The following RGS12 variants were observed in gnomAD, a reference collection of about 807,000 sequenced individuals.
The protein encoded by RGS12 is regulator of G protein signaling 12.
A neutral mutation model predicts 120.1 loss-of-function variants in RGS12; 66 were observed. The ratio of observed to expected loss-of-function variants is 0.55; its 90% CI spans 0.45 to 0.67. The LOEUF (loss-of-function observed/expected upper bound fraction) is 0.67, where lower values mean the gene tolerates loss of function less well. Ranked by LOEUF, RGS12 falls within the 30% of genes least tolerant of loss-of-function variation. The probability of loss-of-function intolerance (pLI) is 0.00; values close to 1 mark genes in which losing one functional copy is unlikely to be tolerated. For synonymous variants in RGS12, 827 were observed against 804.7 expected, an observed-to-expected ratio of 1.03 and a Z score of -0.47; for missense variants, 1,859 against 1,957.7, an observed-to-expected ratio of 0.95 and a Z score of 0.95.
intron 4 of RGS12, among the ~76,000 whole-genome samples, chr4:3,406,212 C>T (rs557337344): frequency 1.6e-3 from 242 of 152,318 alleles, no homozygotes; most frequent in Admixed American, 2.7e-3. Context: ...CCGGCCAGGG[C>T]GGGCTCAGAG....
In RGS12 at chr4:3,425,444, A is replaced by C; in HGVS notation, c.3235-20A>C. The C allele has an allele frequency of 6.3e-7, 1 of 1,597,498 alleles. No individual in the cohort carries two copies. The highest frequency in any genetic ancestry group is 1.7e-5 in the Admixed American group (1 of 59,916). ...AAGTTCCAGTCTGGGTAAATTATTC[A>C]GTGCTGATCTCTGCCCTAGAGTGGA... On this transcript the variant is annotated intron_variant, in intron 13 of 17. Transcript: ENST00000336727.
At chr4:3,287,528 C>T in the RGS12 span, among the ~76,000 whole-genome samples, 1 of 152,232 alleles carries the variant, frequency 6.6e-6, no homozygotes, top group Non-Finnish European at 1.5e-5. Flanking sequence ...CTGAACCTGC[C>T]CCTGCCCGCT....
chr4:3,296,167 G>A (rs562519355), intron 1 of RGS12, among the ~76,000 whole-genome samples: 1 of 152,246 alleles, frequency 6.6e-6, no homozygotes, highest in South Asian at 2.1e-4. Context: ...TTGTCACATC[G>A]CTGTCTTTCT....
intron 4 of RGS12, among the ~76,000 whole-genome samples, chr4:3,403,530 C>T (rs1235236105): frequency 6.6e-6 from 1 of 152,236 alleles, no homozygotes; most frequent in Non-Finnish European, 1.5e-5. Flanking sequence ...ACCTCAGCAG[C>T]TTCATCTGTA....
intron 4 of RGS12, among the ~76,000 whole-genome samples, chr4:3,388,697 GA>G (rs1288671626): frequency 6.6e-6 from 1 of 152,254 alleles, no homozygotes; most frequent in Non-Finnish European, 1.5e-5. Context: ...GCCTCAGGCA[GA>G]AAGAGGCCCC....
rs530555562 is a variant in RGS12, at chr4:3,421,811, G to A, written c.2839-565G>A. On this transcript the variant is annotated intron_variant, in intron 10 of 17. Transcript: ENST00000336727. ...TCTTCATGGGAGGAGCCACAGAGCCGCATTATGAGGGGCACAGATACAGGG... is the reference window on the plus strand; with the variant it reads ...TCTTCATGGGAGGAGCCACAGAGCCACATTATGAGGGGCACAGATACAGGG... Among the ~76,000 whole-genome samples, 18 of 152,342 alleles carry A rather than the reference G, an allele frequency of 1.2e-4. No individual in the cohort carries two copies. In the South Asian group the frequency reaches 3.5e-3, roughly 30 times the overall value.
At chr4:3,324,390 G>T in intron 2 of RGS12, 1 of 209,666 alleles carries the variant, frequency 4.8e-6, no homozygotes, top group South Asian at 6.7e-5. Context: ...TCTCTTAGTG[G>T]GGATGTCCCC....
intron 2 of RGS12, among the ~76,000 whole-genome samples, chr4:3,336,028 G>A (rs1712421231): frequency 6.6e-6 from 1 of 152,180 alleles, no homozygotes; most frequent in Non-Finnish European, 1.5e-5. Context: ...GGAGGTGGAG[G>A]TTGCAGTGAG....
At chr4:3,404,678 G>A (rs1720932608) in intron 4 of RGS12, among the ~76,000 whole-genome samples, 1 of 152,248 alleles carries the variant, frequency 6.6e-6, no homozygotes, top group Non-Finnish European at 1.5e-5. Flanking sequence ...AGAGGGATGT[G>A]TGGATGGAGA....
intron 3 of RGS12, among the ~76,000 whole-genome samples, chr4:3,363,936 GC>G (rs1232763485): frequency 6.6e-6 from 1 of 152,228 alleles, no homozygotes; most frequent in South Asian, 2.1e-4. Context: ...GAGGGCACAG[GC>G]CCCCCAGGCT....
chr4:3,436,289 C>T (rs558057385), intron 17 of RGS12, among the ~76,000 whole-genome samples: 3 of 152,252 alleles, frequency 2.0e-5, no homozygotes, highest in East Asian at 1.9e-4. Flanking sequence ...TTGTAGGGTC[C>T]CCGCCTCTGG....
intron 3 of RGS12, among the ~76,000 whole-genome samples, chr4:3,377,061 G>C (rs1717781174): frequency 6.6e-6 from 1 of 151,406 alleles, no homozygotes; most frequent in African/African-American, 2.4e-5. Flanking sequence ...ACCCAGGCTG[G>C]AGTGCAGTGG....
rs1262851435 is a variant in RGS12, at chr4:3,317,085, C to T, written c.915C>T (p.Cys305=). 1.9e-6 allele frequency: 3 copies of T among 1,613,706 alleles called. No homozygotes were observed. Among genetic ancestry groups the T allele is most frequent in the South Asian group, 2.2e-5 (2 of 91,086 alleles). The change falls in exon 2 of 18, where the codon TGC becomes TGT. Residue 305 remains cysteine, a synonymous_variant. Coordinates refer to ENST00000336727, the MANE Select transcript of RGS12 (RefSeq NM_001394154.1). ...PAEKLAFSAV[C]PDDRRFFGLV... is the part of the protein sequence containing the mutation. ...AGAAGCTGGCCTTCAGCGCCGTGTG[C>T]CCGGACGACCGGCGATTTTTCGGGT...
At chr4:3,387,300 A>G (rs1201830434) in intron 4 of RGS12, among the ~76,000 whole-genome samples, 2 of 152,204 alleles carry the variant, frequency 1.3e-5, no homozygotes, top group Non-Finnish European at 2.9e-5. Context: ...AGAGAAACCA[A>G]ATGTCGTTCT....
In RGS12 at chr4:3,365,558, T is replaced by G. The variant is rs1327233806; in HGVS notation, c.1999-20858T>G. ...CCTGAGTCCGACCTAAGCCTTAGTG[T>G]GAGTCGGACACGGCCTTCTTGGCTG... On this transcript the variant is annotated intron_variant, in intron 3 of 17. Transcript: ENST00000336727. This position sits in a 1 kb window ranked among gnomAD's most constrained non-coding sequence, Gnocchi z 4.0. 2.0e-5 allele frequency among the ~76,000 whole-genome samples: 3 copies of G among 152,164 alleles called. No individual in the cohort carries two copies. The highest frequency in any genetic ancestry group is 7.2e-5 in the African/African-American group (3 of 41,444).
Position 3,372,920 on chromosome 4 carries a change from C to T in RGS12, c.1999-13496C>T, listed in dbSNP as rs1028835914. 6.6e-6 allele frequency among the ~76,000 whole-genome samples: 1 copy of T among 152,178 alleles called. No homozygotes were observed. The highest frequency in any genetic ancestry group is 1.5e-5 in the Non-Finnish European group (1 of 68,028). ...TAAAAAGGGTTGCACTGTTTAAAAA[C>T]GTGGAATATTCTCTTGTAGGCAGTG... On this transcript the variant is annotated intron_variant, in intron 3 of 17. Coordinates refer to ENST00000336727, the MANE Select transcript of RGS12 (RefSeq NM_001394154.1). This position sits in a 1 kb window ranked among gnomAD's most constrained non-coding sequence, Gnocchi z 4.3.
chr4:3,331,496 T>G (rs1711834627), intron 2 of RGS12, among the ~76,000 whole-genome samples: 2 of 152,196 alleles, frequency 1.3e-5, no homozygotes, highest in African/African-American at 4.8e-5. Context: ...AAACTGTACT[T>G]ACATGGTGTA....
chr4:3,362,157 G>A (rs561786988), intron 3 of RGS12, among the ~76,000 whole-genome samples: 3 of 152,272 alleles, frequency 2.0e-5, no homozygotes, highest in Admixed American at 1.3e-4. Context: ...AAAGGGCAGC[G>A]GCAGTGAAGG....
At chr4:3,362,226 C>A (rs1271783262) in intron 3 of RGS12, among the ~76,000 whole-genome samples, 2 of 152,132 alleles carry the variant, frequency 1.3e-5, no homozygotes, top group African/African-American at 2.4e-5. Flanking sequence ...GGTTCCAGAC[C>A]CTGCCCAAGC....
Sources: allele counts gnomAD v4.1 joint callset (sites outside exome capture counted in the v4.1 genomes callset), GRCh38; gene constraint gnomAD v4.1.1; non-coding constraint Gnocchi (gnomAD v3.1); transcripts MANE v1.5; gene names NCBI Gene and HGNC (gene_info 2026-07-23, HGNC 2026-07-21).